The following CNTN4 variants were observed in gnomAD, a reference collection of about 807,000 sequenced individuals.
CNTN4 encodes the protein contactin-4.
A neutral mutation model predicts 122.5 loss-of-function variants in CNTN4; 77 were observed. The ratio of observed to expected loss-of-function variants is 0.63; its 90% CI spans 0.52 to 0.76. CNTN4 has a LOEUF of 0.76. Ranked by LOEUF, CNTN4 falls within the 30% of genes least tolerant of loss-of-function variation. The probability of loss-of-function intolerance (pLI) is 0.00; values close to 1 mark genes in which losing one functional copy is unlikely to be tolerated. For missense variants in CNTN4, 1,256 were observed against 1,259.1 expected (o/e 1.00, Z 0.04); for synonymous variants, 512 against 447.0 (o/e 1.15, Z -1.83).
At position 2,328,387 on chromosome 3, in the gene CNTN4, CAG is replaced by C. The variant is rs952792502; in HGVS notation, c.-144-10788_-144-10787del. Among the ~76,000 whole-genome samples the C allele has an allele frequency of 3.3e-4, 50 of 151,906 alleles. 1 individual carries two copies. Among genetic ancestry groups the C allele is most frequent in the Middle Eastern group, 3.4e-3 (1 of 294 alleles). ...CGCCACCGCCCTCCAGCCTGGGCGA[CAG>C]AGCGAGACTCCGTCTCAAAAAATAA... On this transcript the variant is annotated intron_variant, in intron 2 of 24. Transcript: ENST00000418658.
chr3:2,144,941 A>G (rs554722336), intron 2 of CNTN4, among the ~76,000 whole-genome samples: 158 of 152,186 alleles, frequency 1.0e-3, no homozygotes, highest in Non-Finnish European at 1.3e-3. Flanking sequence ...ATCAGTTACC[A>G]CAATAAGGGT....
intron 4 of CNTN4, among the ~76,000 whole-genome samples, chr3:2,630,361 C>G (rs2082376188): frequency 6.6e-6 from 1 of 152,116 alleles, no homozygotes; most frequent in East Asian, 1.9e-4. Context: ...ATTGCTTGAA[C>G]CTGGGAGGCA....
At chr3:2,851,233 G>A (rs2093545195) in intron 7 of CNTN4, among the ~76,000 whole-genome samples, 1 of 152,186 alleles carries the variant, frequency 6.6e-6, no homozygotes, top group Non-Finnish European at 1.5e-5. Context: ...TCTCGTGGAT[G>A]TTAGTTTGCA....
At chr3:2,170,435 G>GA (rs2149238406) in intron 2 of CNTN4, among the ~76,000 whole-genome samples, 1 of 152,276 alleles carries the variant, frequency 6.6e-6, no homozygotes, top group Non-Finnish European at 1.5e-5. Context: ...AGACCTACAT[G>GA]AAAAAATAGT....
chr3:2,209,977 G>T (rs771381293), intron 2 of CNTN4, among the ~76,000 whole-genome samples: 5 of 151,834 alleles, frequency 3.3e-5, no homozygotes, highest in African/African-American at 9.7e-5. Context: ...TTTTGTACTG[G>T]TATTATTATC....
chr3:2,726,263 G>T (rs1477874266), intron 4 of CNTN4, among the ~76,000 whole-genome samples: 1 of 152,152 alleles, frequency 6.6e-6, no homozygotes, highest in African/African-American at 2.4e-5. Context: ...CATTAGCCAG[G>T]CTTTGGTCAC....
intron 2 of CNTN4, among the ~76,000 whole-genome samples, chr3:2,129,743 G>A (rs1167826063): frequency 6.6e-6 from 1 of 151,246 alleles, no homozygotes; most frequent in Non-Finnish European, 1.5e-5. Context: ...CAACCTTTCT[G>A]GCTTTCCTGT....
chr3:2,665,863 G>A (rs772373227), intron 4 of CNTN4, among the ~76,000 whole-genome samples: 8 of 152,220 alleles, frequency 5.3e-5, no homozygotes, highest in African/African-American at 7.2e-5. Context: ...CCAACGTGGC[G>A]TGTGGTATCA....
At chr3:2,234,858 C>G (rs921396382) in intron 2 of CNTN4, among the ~76,000 whole-genome samples, 7 of 152,210 alleles carry the variant, frequency 4.6e-5, no homozygotes, top group Middle Eastern at 3.4e-3. Context: ...TCAGTATTTT[C>G]TCACTCACAA....
At chr3:2,137,602 TG>T (rs2034759052) in intron 2 of CNTN4, among the ~76,000 whole-genome samples, 2 of 152,328 alleles carry the variant, frequency 1.3e-5, no homozygotes, top group Admixed American at 1.3e-4. Flanking sequence ...TTTATCACAT[TG>T]GAAAGTTTAT....
intron 2 of CNTN4, among the ~76,000 whole-genome samples, chr3:2,244,665 A>C (rs182007945): frequency 2.2e-3 from 339 of 152,188 alleles, no homozygotes; most frequent in African/African-American, 7.5e-3. Context: ...GTCTTGCATT[A>C]TATTTCCATT....
rs185940222 is a variant in CNTN4 at position 2,129,100 on chromosome 3, A to T, written c.-145+28461A>T. Among the ~76,000 whole-genome samples the T allele has an allele frequency of 3.7e-3, 561 of 152,286 alleles. 3 individuals carry two copies. The highest frequency in any genetic ancestry group is 0.012 in the African/African-American group (508 of 41,564). On this transcript the variant is annotated intron_variant, in intron 2 of 24. Transcript: ENST00000418658. ...TATTAACACGTTAAAGGCCAAATCA[A>T]CTATTTAGGAAAAGAAAATAAAACA...
At chr3:2,394,728 C>T (rs1474889220) in intron 3 of CNTN4, among the ~76,000 whole-genome samples, 1 of 150,590 alleles carries the variant, frequency 6.6e-6, no homozygotes, top group East Asian at 2.0e-4. Flanking sequence ...TATGTTTGTA[C>T]ACAAAGGAGT....
intron 4 of CNTN4, among the ~76,000 whole-genome samples, chr3:2,679,254 G>A (rs1458051923): frequency 6.6e-6 from 1 of 152,076 alleles, no homozygotes; most frequent in Non-Finnish European, 1.5e-5. Flanking sequence ...TGGAGATATT[G>A]CCTTTTCTGC....
intron 3 of CNTN4, among the ~76,000 whole-genome samples, chr3:2,567,503 T>C (rs2149468583): frequency 2.6e-5 from 4 of 152,292 alleles, no homozygotes; most frequent in Admixed American, 2.6e-4. Flanking sequence ...CGCTGTGCTG[T>C]CTTTAACAAA....
At chr3:2,487,256 T>TAA (rs2076189177) in intron 3 of CNTN4, among the ~76,000 whole-genome samples, 1 of 152,244 alleles carries the variant, frequency 6.6e-6, no homozygotes, top group Non-Finnish European at 1.5e-5. Context: ...TTTTCTCTGC[T>TAA]TATGTATAAG....
At chr3:2,996,453 A>C (rs1695545266) in intron 14 of CNTN4, among the ~76,000 whole-genome samples, 1 of 152,200 alleles carries the variant, frequency 6.6e-6, no homozygotes, top group East Asian at 1.9e-4. Context: ...AACCCATCCC[A>C]TACAAATAAT....
chr3:2,671,684 GT>G (rs1475144656), intron 4 of CNTN4, among the ~76,000 whole-genome samples: 8 of 152,144 alleles, frequency 5.3e-5, no homozygotes, highest in Non-Finnish European at 8.8e-5. Context: ...AGAATTTTCA[GT>G]TTTTCTGCTC....
chr3:2,880,856 T>G (rs1327313152), intron 8 of CNTN4, among the ~76,000 whole-genome samples: 1 of 152,184 alleles, frequency 6.6e-6, no homozygotes, highest in African/African-American at 2.4e-5. Context: ...AAGAAAGGGA[T>G]AGATTAGAAC....
Sources: gnomAD v4.1 joint callset for allele counts (sites outside exome capture counted in the v4.1 genomes callset) on GRCh38, gnomAD v4.1.1 for gene constraint, MANE v1.5 for transcripts, NCBI Gene and HGNC (gene_info 2026-07-23, HGNC 2026-07-21) for gene names.